The following FHIT variants were observed in gnomAD, a reference collection of about 807,000 sequenced individuals.
The protein encoded by FHIT is fragile histidine triad diadenosine triphosphatase, also known as bis(5'-adenosyl)-triphosphatase.
In FHIT, 19 loss-of-function variants were observed where a neutral mutation model predicts 17.9. The observed-to-expected ratio is 1.06, with a 90% CI of 0.74 to 1.56. The LOEUF (loss-of-function observed/expected upper bound fraction) is 1.56. FHIT is among the 40% of genes most tolerant of loss of function. The pLI, the probability that FHIT is intolerant of heterozygous loss-of-function variation, is 0.00. For missense variants in FHIT, 248 were observed against 189.2 expected (o/e 1.31, Z -1.82); for synonymous variants, 81 against 69.7 (o/e 1.16, Z -0.81).
intron 7 of FHIT, among the ~76,000 whole-genome samples, chr3:59,954,757 T>C (rs571210268): frequency 4.4e-4 from 67 of 152,318 alleles, no homozygotes; most frequent in South Asian, 8.3e-4. Context: ...AAATTTCTTA[T>C]ACTGAAGGTT....
At chr3:61,129,894 T>A (rs2036715668) in intron 2 of FHIT, among the ~76,000 whole-genome samples, 1 of 152,176 alleles carries the variant, frequency 6.6e-6, no homozygotes, top group African/African-American at 2.4e-5. Context: ...TCAAAAGAAA[T>A]TTATATCTTC....
At chr3:60,217,491 C>T (rs1703749169) in intron 5 of FHIT, among the ~76,000 whole-genome samples, 1 of 152,184 alleles carries the variant, frequency 6.6e-6, no homozygotes, top group African/African-American at 2.4e-5. Flanking sequence ...AGTCTATTCT[C>T]CATAAGCAGC....
At chr3:60,480,657 T>C (rs1324411439) in intron 5 of FHIT, among the ~76,000 whole-genome samples, 1 of 152,110 alleles carries the variant, frequency 6.6e-6, no homozygotes, top group Non-Finnish European at 1.5e-5. Flanking sequence ...AGTGAGGCAG[T>C]CATTAAATCT....
intron 4 of FHIT, among the ~76,000 whole-genome samples, chr3:60,734,789 A>C (rs782652228): frequency 1.3e-5 from 2 of 152,250 alleles, no homozygotes; most frequent in Non-Finnish European, 2.9e-5. Context: ...TTACCCATTA[A>C]CTTTTAATCC....
chr3:61,118,051 T>C (rs2036351567), intron 2 of FHIT, among the ~76,000 whole-genome samples: 1 of 152,200 alleles, frequency 6.6e-6, no homozygotes, highest in Non-Finnish European at 1.5e-5. Context: ...AAACTGATTC[T>C]ATCTTCAGGA....
chr3:60,279,220 C>T (rs1707310580), intron 5 of FHIT, among the ~76,000 whole-genome samples: 1 of 151,990 alleles, frequency 6.6e-6, no homozygotes, highest in African/African-American at 2.4e-5. Flanking sequence ...CTACTGATCT[C>T]ACGGATATTA....
At chr3:59,981,283 T>G (rs181574469) in intron 7 of FHIT, among the ~76,000 whole-genome samples, 1 of 152,252 alleles carries the variant, frequency 6.6e-6, no homozygotes, top group East Asian at 1.9e-4. Context: ...ATTTCCACAC[T>G]TGGAATGCCC....
At chr3:60,332,900 G>T (rs1451019222) in intron 5 of FHIT, among the ~76,000 whole-genome samples, 1 of 152,168 alleles carries the variant, frequency 6.6e-6, no homozygotes, top group Admixed American at 6.5e-5. Context: ...TGCATTGGCC[G>T]ACATTGTGTC....
intron 5 of FHIT, among the ~76,000 whole-genome samples, chr3:60,137,932 C>T (rs745615316): frequency 2.0e-4 from 31 of 152,192 alleles, no homozygotes; most frequent in Middle Eastern, 3.2e-3. Flanking sequence ...CTGTGGCCCA[C>T]TGACCTCATT....
At chr3:61,144,547 G>A (rs556209380) in intron 2 of FHIT, among the ~76,000 whole-genome samples, 30 of 152,186 alleles carry the variant, frequency 2.0e-4, no homozygotes, top group Admixed American at 3.9e-4. Context: ...ATTCTCTTGG[G>A]TACATACCTA....
At chr3:60,156,113 G>A (rs1029571394) in intron 5 of FHIT, among the ~76,000 whole-genome samples, 44 of 152,090 alleles carry the variant, frequency 2.9e-4, no homozygotes, top group African/African-American at 1.0e-3. Context: ...CAGCACTTTG[G>A]GAGGCCCAGG....
intron 2 of FHIT, among the ~76,000 whole-genome samples, chr3:61,068,588 A>G (rs2034694503): frequency 6.6e-6 from 1 of 152,196 alleles, no homozygotes; most frequent in Admixed American, 6.5e-5. Context: ...TTAGTCACAT[A>G]TGCAAAGTCT....
At chr3:60,414,227 T>G (rs1288712583) in intron 5 of FHIT, among the ~76,000 whole-genome samples, 1 of 152,196 alleles carries the variant, frequency 6.6e-6, no homozygotes, top group African/African-American at 2.4e-5. Context: ...CACCAAAGTG[T>G]CTGATTCAGT....
intron 5 of FHIT, among the ~76,000 whole-genome samples, chr3:60,258,266 T>C (rs148790882): frequency 3.2e-4 from 49 of 152,276 alleles, no homozygotes; most frequent in African/African-American, 9.6e-4. Context: ...CAACTTTACC[T>C]GAGCCCTGTG....
chr3:60,797,163 G>C (rs1056792052), intron 4 of FHIT, among the ~76,000 whole-genome samples: 1 of 152,136 alleles, frequency 6.6e-6, no homozygotes, highest in Non-Finnish European at 1.5e-5. Context: ...CTCAGGATTT[G>C]GTGCTTGCCT....
intron 5 of FHIT, among the ~76,000 whole-genome samples, chr3:60,526,137 T>TACACAAACACACACACACACAC (rs1553641541): frequency 1.4e-5 from 2 of 148,058 alleles, no homozygotes; most frequent in Admixed American, 1.3e-4. Context: ...ACACAACACA[T>TACACAAACACACACACACACAC]ACACACACAC....
At chr3:60,375,943 A>T (rs1157748552) in intron 5 of FHIT, among the ~76,000 whole-genome samples, 2 of 152,202 alleles carry the variant, frequency 1.3e-5, no homozygotes, top group Admixed American at 1.3e-4. Flanking sequence ...AGTGTGCCTG[A>T]GGAAGTGAAC....
At chr3:60,110,333 G>GA in intron 5 of FHIT, among the ~76,000 whole-genome samples, 1 of 152,264 alleles carries the variant, frequency 6.6e-6, no homozygotes, top group Admixed American at 6.5e-5. Flanking sequence ...TCACCATCTT[G>GA]AAAATTTCTT....
chr3:61,128,977 T>C (rs532401831), intron 2 of FHIT, among the ~76,000 whole-genome samples: 5 of 152,248 alleles, frequency 3.3e-5, no homozygotes, highest in African/African-American at 1.2e-4. Flanking sequence ...GTGACCTACA[T>C]AAATTCTAAG....
Sources: allele counts gnomAD v4.1 joint callset (sites outside exome capture counted in the v4.1 genomes callset), GRCh38; gene constraint gnomAD v4.1.1; transcripts MANE v1.5; gene names NCBI Gene and HGNC (gene_info 2026-07-23, HGNC 2026-07-21).